MEIKIN: variants seen among roughly 807,000 people sequenced by gnomAD.
The protein encoded by MEIKIN is meiotic kinetochore factor.
At chr5:131,861,789 C>T (rs1750289783) in intron 9 of MEIKIN, among the ~76,000 whole-genome samples, 1 of 152,106 alleles carries the variant, frequency 6.6e-6, no homozygotes, top group African/African-American at 2.4e-5. Flanking sequence ...TCTTGCATCC[C>T]TGGTATAAAA....
chr5:131,830,763 G>A (rs1456313668), intron 11 of MEIKIN, among the ~76,000 whole-genome samples: 1 of 152,168 alleles, frequency 6.6e-6, no homozygotes, highest in African/African-American at 2.4e-5. Flanking sequence ...CTTCAATCTA[G>A]ACTGTGACAA....
chr5:131,933,236 T>C (rs1751718455), intron 5 of MEIKIN, among the ~76,000 whole-genome samples: 1 of 152,236 alleles, frequency 6.6e-6, no homozygotes, highest in Non-Finnish European at 1.5e-5. Context: ...AGAGAACAAG[T>C]ATACATTCAT....
At chr5:131,845,699 G>T (rs530920176) in intron 11 of MEIKIN, among the ~76,000 whole-genome samples, 74 of 151,810 alleles carry the variant, frequency 4.9e-4, no homozygotes, top group Middle Eastern at 3.4e-3. Flanking sequence ...GCAGGCAGAA[G>T]AATCTATAAA....
At chr5:131,920,253 T>C (rs1751482743) in intron 6 of MEIKIN, among the ~76,000 whole-genome samples, 1 of 152,144 alleles carries the variant, frequency 6.6e-6, no homozygotes, top group African/African-American at 2.4e-5. Context: ...CTACACTGAA[T>C]AAGTAATCAA....
intron 8 of MEIKIN, among the ~76,000 whole-genome samples, chr5:131,883,899 G>A (rs1290328633): frequency 6.6e-6 from 1 of 152,138 alleles, no homozygotes; most frequent in African/African-American, 2.4e-5. Flanking sequence ...TGAACTCAAT[G>A]CTGCCCTGTC....
At chr5:131,894,399 T>C (rs1318519030) in intron 8 of MEIKIN, among the ~76,000 whole-genome samples, 1 of 152,232 alleles carries the variant, frequency 6.6e-6, no homozygotes. Flanking sequence ...TTTGGTTCCA[T>C]ATGAACTTGA....
chr5:131,885,223 T>C (rs1422189639), intron 8 of MEIKIN, among the ~76,000 whole-genome samples: 1 of 151,904 alleles, frequency 6.6e-6, no homozygotes, highest in Non-Finnish European at 1.5e-5. Flanking sequence ...GAGCCTTGGG[T>C]GAGACCCAGT....
chr5:131,847,445 A>G (rs2149613664), intron 11 of MEIKIN, among the ~76,000 whole-genome samples: 1 of 152,256 alleles, frequency 6.6e-6, no homozygotes, highest in African/African-American at 2.4e-5. Context: ...AGAGACAAAG[A>G]TGAATATTAT....
chr5:131,818,479 G>A (rs1404389976), intron 12 of MEIKIN, among the ~76,000 whole-genome samples: 7 of 152,050 alleles, frequency 4.6e-5, no homozygotes, highest in Non-Finnish European at 1.0e-4. Flanking sequence ...GGAGTGCAGT[G>A]ACCTGATGAT....
At chr5:131,901,355 G>A (rs1206679712) in intron 8 of MEIKIN, among the ~76,000 whole-genome samples, 5 of 152,074 alleles carry the variant, frequency 3.3e-5, no homozygotes, top group Admixed American at 6.6e-5. Context: ...CACCCACCTC[G>A]TCCTAACATC....
intron 6 of MEIKIN, among the ~76,000 whole-genome samples, chr5:131,920,931 G>A (rs890955138): frequency 6.6e-6 from 1 of 151,658 alleles, no homozygotes; most frequent in South Asian, 2.1e-4. Flanking sequence ...CAAACTCCTC[G>A]CCTCAAGCAG....
At chr5:131,824,885 C>A (rs948323910) in intron 11 of MEIKIN, among the ~76,000 whole-genome samples, 2 of 151,910 alleles carry the variant, frequency 1.3e-5, no homozygotes, top group East Asian at 1.9e-4. Flanking sequence ...CAAAGAACAG[C>A]AAACAAAATT....
chr5:131,844,845 G>C (rs150504234), intron 11 of MEIKIN, among the ~76,000 whole-genome samples: 65 of 152,152 alleles, frequency 4.3e-4, no homozygotes, highest in Non-Finnish European at 7.9e-4. Context: ...AGGAAAGCTA[G>C]ACAGTGACTG....
chr5:131,935,691 T>C (rs927609000), intron 4 of MEIKIN, among the ~76,000 whole-genome samples: 4 of 152,220 alleles, frequency 2.6e-5, no homozygotes, highest in African/African-American at 7.2e-5. Context: ...CTTACACCTA[T>C]CTCTGCTCAT....
chr5:131,887,880 C>G (rs1750830146), intron 8 of MEIKIN, among the ~76,000 whole-genome samples: 1 of 124,314 alleles, frequency 8.0e-6, no homozygotes, highest in Non-Finnish European at 1.6e-5. Context: ...CCACAACAGG[C>G]CCCAGTGTGT....
chr5:131,887,629 G>C (rs76791899), intron 8 of MEIKIN, among the ~76,000 whole-genome samples: 99 of 151,726 alleles, frequency 6.5e-4, no homozygotes, highest in African/African-American at 2.3e-3. Flanking sequence ...GTTGCATAAA[G>C]GTCTTCTTTT....
At chr5:131,854,025 A>T (rs1403341793) in intron 10 of MEIKIN, among the ~76,000 whole-genome samples, 1 of 152,246 alleles carries the variant, frequency 6.6e-6, no homozygotes, top group African/African-American at 2.4e-5. Context: ...AGGGACTCAA[A>T]CATATATTTG....
At chr5:131,927,987 T>C (rs544196395) in intron 5 of MEIKIN, among the ~76,000 whole-genome samples, 1 of 151,454 alleles carries the variant, frequency 6.6e-6, no homozygotes, top group African/African-American at 2.4e-5. Flanking sequence ...CTACTAAAAA[T>C]ACAAAAATTA....
chr5:131,846,636 C>A (rs1750027383), intron 11 of MEIKIN, among the ~76,000 whole-genome samples: 1 of 152,112 alleles, frequency 6.6e-6, no homozygotes, highest in Non-Finnish European at 1.5e-5. Context: ...GCCTGACAAA[C>A]ATGACAAAAC....
Sources: gnomAD v4.1 joint callset for allele counts (sites outside exome capture counted in the v4.1 genomes callset) on GRCh38, gnomAD v4.1.1 for gene constraint, MANE v1.5 for transcripts, NCBI Gene and HGNC (gene_info 2026-07-23, HGNC 2026-07-21) for gene names.